TTLL5: variants seen among roughly 807,000 people sequenced by gnomAD.
TTLL5 encodes the protein tubulin tyrosine ligase like 5.
A neutral mutation model predicts 168.4 loss-of-function variants in TTLL5; 132 were observed. The ratio of observed to expected loss-of-function variants is 0.78; its 90% CI spans 0.68 to 0.91. The LOEUF is 0.91. Ranked by LOEUF, TTLL5 falls within the 40% of genes least tolerant of loss-of-function variation. The pLI, the probability that TTLL5 is intolerant of heterozygous loss-of-function variation, is 0.00. For missense variants in TTLL5, 1,545 were observed against 1,581.5 expected (o/e 0.98, Z 0.39); for synonymous variants, 546 against 558.6 (o/e 0.98, Z 0.32).
At chr14:75,763,255 C>CTGTGTGTG (rs60621403) in intron 18 of TTLL5, among the ~76,000 whole-genome samples, 33 of 58,590 alleles carry the variant, frequency 5.6e-4, no homozygotes, top group Non-Finnish European at 8.3e-4. Flanking sequence ...AGCTCTCTCT[C>CTGTGTGTG]TGTGTGTGTG....
intron 30 of TTLL5, chr14:75,887,115 C>T: frequency 1.8e-6 from 2 of 1,097,432 alleles, no homozygotes; most frequent in East Asian, 1.3e-4. Context: ...TGTGTCAGCA[C>T]CCAGGACAGT....
chr14:75,795,029 C>T (rs192915812), intron 27 of TTLL5, among the ~76,000 whole-genome samples: 9 of 151,898 alleles, frequency 5.9e-5, no homozygotes, highest in Admixed American at 3.9e-4. Context: ...TGATATTGGG[C>T]AGTTAATTCC....
intron 30 of TTLL5, among the ~76,000 whole-genome samples, chr14:75,894,626 C>T (rs2032564504): frequency 6.6e-6 from 1 of 152,004 alleles, no homozygotes; most frequent in African/African-American, 2.4e-5. Flanking sequence ...TCCAAATATA[C>T]AAGTAACCAA....
At chr14:75,872,255 C>A (rs184260825) in intron 29 of TTLL5, among the ~76,000 whole-genome samples, 3 of 152,124 alleles carry the variant, frequency 2.0e-5, no homozygotes, top group Admixed American at 6.5e-5. Flanking sequence ...GATCTTGGAG[C>A]AAGGTGAATG....
chr14:75,841,854 T>C (rs1355596880), intron 28 of TTLL5, among the ~76,000 whole-genome samples: 1 of 152,218 alleles, frequency 6.6e-6, no homozygotes, highest in Non-Finnish European at 1.5e-5. Context: ...GTAGCTATAC[T>C]TAAAAGGTTG....
chr14:75,735,696 A>G lies in TTLL5; in HGVS notation c.1281+407A>G, dbSNP rs1888848123. On this transcript the variant is annotated intron_variant, in intron 15 of 31. Transcript: ENST00000298832. ...GCTTTGTTGAAATAGTATCTTCTCTACAAGTAATTCTCCTCAAAGGACCCT... is the reference window on the plus strand; with the variant it reads ...GCTTTGTTGAAATAGTATCTTCTCTGCAAGTAATTCTCCTCAAAGGACCCT... Among the ~76,000 whole-genome samples the G allele has an allele frequency of 2.0e-5, 3 of 152,338 alleles. No individual in the cohort carries two copies. In the South Asian group the frequency reaches 6.2e-4, roughly 32 times the overall value.
At chr14:75,930,605 C>T in intron 31 of TTLL5, 1 of 985,288 alleles carries the variant, frequency 1.0e-6, no homozygotes, top group East Asian at 1.1e-4. Flanking sequence ...TTGCAGAGAA[C>T]AAGAAATTCA....
chr14:75,747,204 A>C (rs1300794524), intron 17 of TTLL5, among the ~76,000 whole-genome samples: 1 of 151,696 alleles, frequency 6.6e-6, no homozygotes, highest in East Asian at 1.9e-4. Context: ...TGCAGTGCCT[A>C]GTCCTCTATT....
chr14:75,857,279 A>C (rs1344472947), intron 28 of TTLL5, among the ~76,000 whole-genome samples: 1 of 152,096 alleles, frequency 6.6e-6, no homozygotes, highest in Non-Finnish European at 1.5e-5. Flanking sequence ...TAATGTGGTG[A>C]ATTATATGAT....
At chr14:75,800,066 A>C (rs541290501) in intron 27 of TTLL5, among the ~76,000 whole-genome samples, 1 of 152,270 alleles carries the variant, frequency 6.6e-6, no homozygotes, top group East Asian at 1.9e-4. Flanking sequence ...AAGTTTTCCA[A>C]ACTTTTAGAT....
chr14:75,941,896 A>T (rs1595308686), intron 31 of TTLL5, among the ~76,000 whole-genome samples: 2 of 125,746 alleles, frequency 1.6e-5, no homozygotes. Flanking sequence ...GAGTCATAGG[A>T]TTTCATAAAA....
intron 5 of TTLL5, chr14:75,684,035 A>T: frequency 4.7e-6 from 1 of 213,534 alleles, no homozygotes; most frequent in African/African-American, 2.3e-5. Flanking sequence ...TGGCCTCCCA[A>T]AGTGCTGGGA....
intron 26 of TTLL5, among the ~76,000 whole-genome samples, chr14:75,786,488 G>T (rs1892372222): frequency 6.6e-6 from 1 of 151,900 alleles, no homozygotes; most frequent in South Asian, 2.1e-4. Context: ...TTTTGTAATT[G>T]GTTTTTAGCT....
In TTLL5 at chr14:75,764,743, G is replaced by C; in HGVS notation, c.1679G>C (p.Arg560Thr). The C allele has an allele frequency of 6.2e-7, 1 of 1,614,158 alleles. No individual in the cohort carries two copies. The highest frequency in any genetic ancestry group is 8.5e-7 in the Non-Finnish European group (1 of 1,179,994). ...CGAAAACGTAGACGACGGAGTAGCA[G>C]ATTGAGGGCAATGAGGCCAAAATAC... Reference protein sequence around the residue: ...EVRKRRRRSSRLRAMRPKYPV... With the variant: ...EVRKRRRRSSTLRAMRPKYPV... Residue 560 changes from arginine (R) to threonine (T), a missense_variant, in exon 19 of 32, where the codon AGA (arginine) becomes ACA (threonine). Coordinates refer to ENST00000298832, the MANE Select transcript of TTLL5 (RefSeq NM_015072.5).
chr14:75,904,313 A>G (rs1167898997), intron 31 of TTLL5: 25 of 972,266 alleles, frequency 2.6e-5, no homozygotes, highest in Non-Finnish European at 3.0e-5. Context: ...AAGTAATGGC[A>G]CAAGGGAATC....
At chr14:75,802,966 C>T (rs564698040) in intron 27 of TTLL5, among the ~76,000 whole-genome samples, 1 of 152,278 alleles carries the variant, frequency 6.6e-6, no homozygotes, top group South Asian at 2.1e-4. Context: ...TGTAGCGAAA[C>T]GAGTGACAGG....
chr14:75,738,191 T>C (rs1889026704), intron 15 of TTLL5, among the ~76,000 whole-genome samples: 1 of 152,244 alleles, frequency 6.6e-6, no homozygotes, highest in African/African-American at 2.4e-5. Context: ...TTGTTAGCAG[T>C]ATTTGAGATT....
intron 31 of TTLL5, among the ~76,000 whole-genome samples, chr14:75,940,320 C>G (rs1031466106): frequency 1.7e-4 from 26 of 152,126 alleles, no homozygotes; most frequent in Admixed American, 1.6e-3. Context: ...ACCTCATGAT[C>G]CACCCGCCTC....
At chr14:75,787,380 G>C (rs1327189229) in intron 26 of TTLL5, among the ~76,000 whole-genome samples, 1 of 152,086 alleles carries the variant, frequency 6.6e-6, no homozygotes, top group East Asian at 1.9e-4. Context: ...GCTGAAATAG[G>C]CTTGAAGATA....
Sources: gnomAD v4.1 joint callset for allele counts (sites outside exome capture counted in the v4.1 genomes callset) on GRCh38, gnomAD v4.1.1 for gene constraint, MANE v1.5 for transcripts, NCBI Gene and HGNC (gene_info 2026-07-23, HGNC 2026-07-21) for gene names.